The following SGCZ variants were observed in gnomAD, a reference collection of about 807,000 sequenced individuals.
SGCZ encodes the protein sarcoglycan zeta.
SGCZ carries 40 observed loss-of-function variants against 41.3 expected under a neutral mutation model. The ratio of observed to expected loss-of-function variants is 0.97; its 90% CI spans 0.75 to 1.26. The LOEUF is 1.26. Ranked by LOEUF, SGCZ falls within the 50% of genes most tolerant of loss-of-function variation. SGCZ has a pLI of 0.00. For missense variants in SGCZ, 552 were observed against 369.8 expected (o/e 1.49, Z -4.04); for synonymous variants, 206 against 137.5 (o/e 1.50, Z -3.49).
At chr8:15,076,749 C>CTT (rs1268063966) in intron 1 of SGCZ, among the ~76,000 whole-genome samples, 4 of 142,094 alleles carry the variant, frequency 2.8e-5, no homozygotes, top group Admixed American at 6.9e-5. Context: ...AAATAAGTCT[C>CTT]TCTCATTTTT....
rs75035278 is a variant in SGCZ, at chr8:14,142,999, TA to T, written c.547+21580del. ...CAATAAAACGTTTTTCTTTATAAATTAAAAAAAAAAAAAGAATCAACCAACA... is the reference window on the plus strand; with the variant it reads ...CAATAAAACGTTTTTCTTTATAAATTAAAAAAAAAAAAGAATCAACCAACA... On this transcript the variant is annotated intron_variant, in intron 5 of 7. Coordinates refer to ENST00000382080, the MANE Select transcript of SGCZ (RefSeq NM_139167.4). Among the ~76,000 whole-genome samples the T allele has an allele frequency of 2.9e-3, 413 of 142,484 alleles. 2 individuals carry two copies. Among genetic ancestry groups the T allele is most frequent in the East Asian group, 4.7e-3 (23 of 4,848 alleles). The allele number at this position is 142,484 out of a possible 152,430, so 93.5% of individuals were successfully genotyped here. A position where few individuals can be genotyped will look rare whatever the true frequency, so the allele number is the denominator to read the frequency against.
At chr8:14,740,166 G>A (rs1031047903) in intron 1 of SGCZ, among the ~76,000 whole-genome samples, 7 of 151,976 alleles carry the variant, frequency 4.6e-5, no homozygotes, top group Non-Finnish European at 1.0e-4. Context: ...AGATTCTAGA[G>A]TCATTGACTT....
At chr8:14,936,476 G>A (rs75876054) in intron 1 of SGCZ, among the ~76,000 whole-genome samples, 7,187 of 151,854 alleles carry the variant, frequency 0.047, 530 homozygotes, top group African/African-American at 0.16. Context: ...AACAGAATGG[G>A]TGTATACATA....
intron 1 of SGCZ, among the ~76,000 whole-genome samples, chr8:14,671,504 G>C (rs1476194576): frequency 6.6e-6 from 1 of 152,102 alleles, no homozygotes; most frequent in East Asian, 1.9e-4. Context: ...CTAACTGTAG[G>C]CTAGCACAAA....
chr8:15,115,049 G>C (rs779673604), intron 1 of SGCZ, among the ~76,000 whole-genome samples: 3 of 152,114 alleles, frequency 2.0e-5, no homozygotes, highest in Non-Finnish European at 2.9e-5. Context: ...TCAAATCTAA[G>C]AGTGTGGCAA....
intron 1 of SGCZ, among the ~76,000 whole-genome samples, chr8:15,030,760 C>T (rs577227807): frequency 2.6e-5 from 4 of 151,922 alleles, no homozygotes; most frequent in Admixed American, 6.6e-5. Context: ...AGGACTACGG[C>T]GGAGGTAACC....
chr8:14,880,235 A>G (rs1044484463), intron 1 of SGCZ, among the ~76,000 whole-genome samples: 4 of 152,200 alleles, frequency 2.6e-5, no homozygotes, highest in African/African-American at 9.6e-5. Context: ...GAGAAATGCA[A>G]ATCAAAACCA....
intron 1 of SGCZ, among the ~76,000 whole-genome samples, chr8:15,049,637 C>T (rs1483566612): frequency 1.1e-4 from 16 of 152,102 alleles, no homozygotes; most frequent in Non-Finnish European, 1.5e-5. Flanking sequence ...ATGCAGTGCA[C>T]ACATGCTTTA....
chr8:14,359,942 G>A (rs1349294998), intron 2 of SGCZ, among the ~76,000 whole-genome samples: 1 of 152,088 alleles, frequency 6.6e-6, no homozygotes, highest in Admixed American at 6.5e-5. Context: ...TTATCTCACG[G>A]ATGTAAGCAT....
intron 1 of SGCZ, among the ~76,000 whole-genome samples, chr8:15,045,461 T>C (rs1231649264): frequency 2.0e-5 from 3 of 152,092 alleles, no homozygotes; most frequent in Non-Finnish European, 4.4e-5. Context: ...CATGTTTGTA[T>C]ACATGTTTCA....
chr8:15,217,862 C>T lies in SGCZ; in HGVS notation c.39+19723G>A, dbSNP rs111905706. ...CAGCACTTTGGGAGGCTGAGTTGGACGGATCACTTGAGGTGAGGAGTTAGA... is the reference window on the plus strand; with the variant it reads ...CAGCACTTTGGGAGGCTGAGTTGGATGGATCACTTGAGGTGAGGAGTTAGA... On this transcript the variant is annotated intron_variant, in intron 1 of 7. Coordinates refer to ENST00000382080, the MANE Select transcript of SGCZ (RefSeq NM_139167.4). Among the ~76,000 whole-genome samples, 203 of 152,178 alleles carry T rather than the reference C, an allele frequency of 1.3e-3. 1 individual carries two copies. The highest frequency in any genetic ancestry group is 4.4e-3 in the African/African-American group (181 of 41,530).
chr8:15,039,189 C>T (rs1191852003), intron 1 of SGCZ, among the ~76,000 whole-genome samples: 1 of 152,064 alleles, frequency 6.6e-6, no homozygotes, highest in African/African-American at 2.4e-5. Context: ...ATGTTCACTC[C>T]AGCATCATTC....
chr8:14,159,947 G>C (rs1803990204), intron 5 of SGCZ, among the ~76,000 whole-genome samples: 1 of 152,142 alleles, frequency 6.6e-6, no homozygotes, highest in Admixed American at 6.6e-5. Context: ...CCTTTCTTCT[G>C]TTGTCAAACA....
At chr8:14,615,931 T>C (rs1433591766) in intron 1 of SGCZ, among the ~76,000 whole-genome samples, 1 of 152,142 alleles carries the variant, frequency 6.6e-6, no homozygotes, top group Non-Finnish European at 1.5e-5. Flanking sequence ...TTAGAATAAG[T>C]TCTGGCCACA....
intron 1 of SGCZ, among the ~76,000 whole-genome samples, chr8:14,585,931 T>C (rs1805042736): frequency 6.6e-6 from 1 of 152,162 alleles, no homozygotes; most frequent in Non-Finnish European, 1.5e-5. Context: ...ATTTCAATTT[T>C]TTAAGACAAA....
chr8:14,580,855 A>G (rs574462158), intron 1 of SGCZ, among the ~76,000 whole-genome samples: 66 of 152,338 alleles, frequency 4.3e-4, no homozygotes, highest in African/African-American at 1.5e-3. Flanking sequence ...CCCAGGCTCC[A>G]GCGATAGAAA....
At chr8:14,350,347 A>G (rs1803043792) in intron 2 of SGCZ, among the ~76,000 whole-genome samples, 1 of 152,068 alleles carries the variant, frequency 6.6e-6, no homozygotes, top group African/African-American at 2.4e-5. Flanking sequence ...CTTAAGAAGC[A>G]AATATATTTT....
At chr8:14,943,689 A>C (rs1585399768) in intron 1 of SGCZ, among the ~76,000 whole-genome samples, 1 of 152,214 alleles carries the variant, frequency 6.6e-6, no homozygotes, top group East Asian at 1.9e-4. Flanking sequence ...AGTAAAAAGC[A>C]TGCCACTCAA....
intron 1 of SGCZ, among the ~76,000 whole-genome samples, chr8:14,594,703 G>T (rs62494812): frequency 1.5e-4 from 23 of 151,978 alleles, no homozygotes; most frequent in African/African-American, 5.6e-4. Flanking sequence ...AATAAAATAT[G>T]AATAACTGTC....
Sources: allele counts gnomAD v4.1 joint callset (sites outside exome capture counted in the v4.1 genomes callset), GRCh38; gene constraint gnomAD v4.1.1; transcripts MANE v1.5; gene names NCBI Gene and HGNC (gene_info 2026-07-23, HGNC 2026-07-21).